ERBB4: variants seen among roughly 807,000 people sequenced by gnomAD.
ERBB4 encodes receptor tyrosine-protein kinase erbB-4.
A neutral mutation model predicts 158.0 loss-of-function variants in ERBB4; 42 were observed. The ratio of observed to expected loss-of-function variants is 0.27; its 90% CI spans 0.21 to 0.34. The LOEUF is 0.34. Ranked by LOEUF, ERBB4 falls within the 10% of genes least tolerant of loss-of-function variation. The pLI is 1.00. For missense variants in ERBB4, 1,333 were observed against 1,624.1 expected (o/e 0.82, Z 3.08); for synonymous variants, 583 against 558.7 (o/e 1.04, Z -0.61).
chr2:212,012,847 C>A (rs905722911), intron 2 of ERBB4, among the ~76,000 whole-genome samples: 2 of 151,980 alleles, frequency 1.3e-5, no homozygotes, highest in South Asian at 2.1e-4. Flanking sequence ...CAGGCCCAAG[C>A]AATCCTCCCA....
chr2:211,915,412 G>A (rs1469577617), intron 3 of ERBB4, among the ~76,000 whole-genome samples: 1 of 148,490 alleles, frequency 6.7e-6, no homozygotes, highest in Admixed American at 6.7e-5. Context: ...GCACATAGAA[G>A]GCAAACTAAC....
intron 2 of ERBB4, among the ~76,000 whole-genome samples, chr2:212,007,287 A>G (rs1396349016): frequency 6.6e-6 from 1 of 151,886 alleles, no homozygotes; most frequent in African/African-American, 2.4e-5. Context: ...TTAAATAAGG[A>G]AGATATTTGT....
chr2:211,376,903 G>A lies in ERBB4; in HGVS notation c.*6712C>T, dbSNP rs896624563. 3 of 233,248 alleles carry A rather than the reference G, an allele frequency of 1.3e-5. No individual in the cohort carries two copies. The highest frequency in any genetic ancestry group is 1.7e-5 in the Non-Finnish European group (2 of 117,764). The allele number at this position is 233,248 out of a possible 1,614,324, so 14.4% of individuals were successfully genotyped here. On this transcript the variant is annotated 3_prime_UTR_variant, in exon 28 of 28. Coordinates refer to ENST00000342788, the MANE Select transcript of ERBB4 (RefSeq NM_005235.3). ...GAGAAGGAGACACACCAGCCAGGGA[G>A]ACAGGCATTCAAAGTTAGCTGCCCT...
chr2:212,501,297 CTGATT>C (rs1427181123), intron 1 of ERBB4, among the ~76,000 whole-genome samples: 1 of 152,106 alleles, frequency 6.6e-6, no homozygotes, highest in Admixed American at 6.6e-5. Context: ...CTTAGGATGC[CTGATT>C]TGTCTGTTTG....
At chr2:212,330,363 A>C (rs867281005) in intron 1 of ERBB4, among the ~76,000 whole-genome samples, 2 of 152,114 alleles carry the variant, frequency 1.3e-5, no homozygotes. Flanking sequence ...CACGCCTGTA[A>C]TCAACAGCAC....
intron 2 of ERBB4, among the ~76,000 whole-genome samples, chr2:212,009,819 C>A (rs939071380): frequency 2.0e-5 from 3 of 152,112 alleles, no homozygotes; most frequent in African/African-American, 4.8e-5. Flanking sequence ...CAACCTGTTG[C>A]TTCTAAATGT....
rs77922482 is a variant in ERBB4 at position 211,485,416 on chromosome 2, T to G, written c.2488-54316A>C. On this transcript the variant is annotated intron_variant, in intron 20 of 27. Coordinates refer to ENST00000342788, the MANE Select transcript of ERBB4 (RefSeq NM_005235.3). Reference sequence around the variant, plus strand: ...TAGACCAGCAGGAGAGTATTCTTACTCTAACAATTCACCCTATCTGGAATC... The same window carrying G: ...TAGACCAGCAGGAGAGTATTCTTACGCTAACAATTCACCCTATCTGGAATC... 1.1e-3 allele frequency among the ~76,000 whole-genome samples: 164 copies of G among 152,260 alleles called. 5 individuals are homozygous for G. The East Asian group carries it at 0.03, about 28-fold the overall frequency.
intron 2 of ERBB4, among the ~76,000 whole-genome samples, chr2:212,010,866 A>C (rs531764895): frequency 2.0e-4 from 31 of 152,182 alleles, no homozygotes; most frequent in Admixed American, 7.2e-4. Context: ...CAGGGTATTA[A>C]TATTAATATT....
intron 5 of ERBB4, among the ~76,000 whole-genome samples, chr2:211,744,202 A>G (rs1395359723): frequency 2.6e-5 from 4 of 152,218 alleles, no homozygotes; most frequent in Non-Finnish European, 5.9e-5. Context: ...CTATGGAGGA[A>G]CAATGACACA....
At chr2:212,214,446 T>C (rs1293116766) in intron 1 of ERBB4, among the ~76,000 whole-genome samples, 1 of 151,868 alleles carries the variant, frequency 6.6e-6, no homozygotes, top group Non-Finnish European at 1.5e-5. Context: ...TTGAATAGTT[T>C]TTATACTTCA....
chr2:211,711,794 G>A (rs2073709599), intron 9 of ERBB4, among the ~76,000 whole-genome samples: 1 of 152,048 alleles, frequency 6.6e-6, no homozygotes, highest in Admixed American at 6.6e-5. Flanking sequence ...ATTTGAGGAG[G>A]ATGTCCTAAA....
intron 3 of ERBB4, among the ~76,000 whole-genome samples, chr2:211,862,303 G>A (rs527640598): frequency 6.6e-6 from 1 of 152,200 alleles, no homozygotes; most frequent in African/African-American, 2.4e-5. Context: ...ACAGCTAATA[G>A]TTTGTTAAAG....
chr2:211,473,655 A>G (rs2064884992), intron 20 of ERBB4, among the ~76,000 whole-genome samples: 1 of 151,874 alleles, frequency 6.6e-6, no homozygotes, highest in Non-Finnish European at 1.5e-5. Context: ...AGGATAATAA[A>G]CCTCATCACC....
intron 2 of ERBB4, among the ~76,000 whole-genome samples, chr2:212,092,606 A>G (rs988297638): frequency 6.6e-6 from 1 of 152,182 alleles, no homozygotes; most frequent in Non-Finnish European, 1.5e-5. Context: ...TTTAACTAAC[A>G]CCAATCTGGT....
intron 3 of ERBB4, among the ~76,000 whole-genome samples, chr2:211,843,361 A>G (rs552022976): frequency 6.6e-6 from 1 of 152,150 alleles, no homozygotes; most frequent in African/African-American, 2.4e-5. Flanking sequence ...TTGCTTTTTT[A>G]GCTGTCGGTA....
At chr2:212,353,380 G>C (rs905620720) in intron 1 of ERBB4, among the ~76,000 whole-genome samples, 1 of 149,182 alleles carries the variant, frequency 6.7e-6, no homozygotes, top group Non-Finnish European at 1.5e-5. Flanking sequence ...ATACATATAT[G>C]TGCTGTATAT....
chr2:212,084,526 C>T (rs2078543431), intron 2 of ERBB4, among the ~76,000 whole-genome samples: 2 of 151,924 alleles, frequency 1.3e-5, no homozygotes, highest in Non-Finnish European at 2.9e-5. Flanking sequence ...TAGACTTTTA[C>T]TGCAGAAATA....
intron 7 of ERBB4, among the ~76,000 whole-genome samples, chr2:211,721,110 T>C (rs1192976691): frequency 6.6e-6 from 1 of 152,142 alleles, no homozygotes. Context: ...TGTGTGTATG[T>C]GTGTGGTTTC....
intron 19 of ERBB4, among the ~76,000 whole-genome samples, chr2:211,580,037 C>T (rs4488593): frequency 0.74 from 112,483 of 152,104 alleles, 44,200 homozygotes; most frequent in East Asian, 0.89. Context: ...AAACCAGAAA[C>T]GTGAATACCC....
Sources: allele counts gnomAD v4.1 joint callset (sites outside exome capture counted in the v4.1 genomes callset), GRCh38; gene constraint gnomAD v4.1.1; transcripts MANE v1.5; gene names NCBI Gene and HGNC (gene_info 2026-07-23, HGNC 2026-07-21).